Variants in KIRREL3 observed in about 807,000 individuals in gnomAD.
KIRREL3 encodes kin of IRRE-like protein 3.
KIRREL3 carries 36 observed loss-of-function variants against 89.7 expected under a neutral mutation model. The observed-to-expected ratio is 0.40, with a 90% CI of 0.31 to 0.53. The LOEUF (loss-of-function observed/expected upper bound fraction) is 0.53, where lower values mean the gene tolerates loss of function less well. Among genes scored for constraint, KIRREL3 ranks in the 20% least tolerant of loss-of-function variants. The pLI, the probability that KIRREL3 is intolerant of heterozygous loss-of-function variation, is 0.49. For synonymous variants in KIRREL3, 445 were observed against 441.4 expected (o/e 1.01, Z -0.10); for missense variants, 864 against 1,056.6 (o/e 0.82, Z 2.53).
chr11:126,435,750 T>C (rs1375081689), intron 12 of KIRREL3, among the ~76,000 whole-genome samples: 1 of 152,196 alleles, frequency 6.6e-6, no homozygotes, highest in African/African-American at 2.4e-5. Flanking sequence ...GTGATCCTGG[T>C]GTGGCCCACT....
chr11:126,634,469 C>T (rs1944181356), intron 1 of KIRREL3, among the ~76,000 whole-genome samples: 3 of 152,292 alleles, frequency 2.0e-5, no homozygotes, highest in Middle Eastern at 3.4e-3. Flanking sequence ...TGCCTGGGAC[C>T]CTTCTGGACC....
chr11:126,512,044 C>T (rs1958240305), intron 4 of KIRREL3, among the ~76,000 whole-genome samples: 1 of 152,288 alleles, frequency 6.6e-6, no homozygotes, highest in East Asian at 1.9e-4. Context: ...GCTGGCCTGC[C>T]CCTCCCTCAG....
intron 4 of KIRREL3, among the ~76,000 whole-genome samples, chr11:126,510,548 C>T (rs1315966119): frequency 6.6e-6 from 1 of 151,436 alleles, no homozygotes; most frequent in East Asian, 1.9e-4. Flanking sequence ...CCACCTGCCT[C>T]AGCCTCTCAA....
chr11:126,584,979 C>T (rs1318928811), intron 1 of KIRREL3, among the ~76,000 whole-genome samples: 3 of 151,388 alleles, frequency 2.0e-5, no homozygotes, highest in East Asian at 3.9e-4. Flanking sequence ...AGTGCAGTGG[C>T]GCAATCTCGG....
chr11:126,769,626 C>A lies in KIRREL3; in HGVS notation c.56-206714G>T, dbSNP rs570753147. ...TTCAAGCCTTCTTTCCTTCATTTAG[C>A]AACTTTTAATTAAATGATTTCTGAA... is the stretch of plus-strand genomic sequence containing the variant. On this transcript the variant is annotated intron_variant, in intron 1 of 16. Coordinates refer to ENST00000525144, the MANE Select transcript of KIRREL3 (RefSeq NM_032531.4). The surrounding 1 kb of genome is among the most constrained non-coding windows in gnomAD (Gnocchi z 4.3). 6.6e-6 allele frequency among the ~76,000 whole-genome samples: 1 copy of A among 152,278 alleles called. No homozygotes were observed. The highest frequency in any genetic ancestry group is 2.4e-5 in the African/African-American group (1 of 41,560).
At chr11:126,923,169 T>C (rs1159008262) in intron 1 of KIRREL3, among the ~76,000 whole-genome samples, 456 of 23,620 alleles carry the variant, frequency 0.019, 63 homozygotes, top group Middle Eastern at 0.071. Context: ...TTCTTCTTCT[T>C]CTTCTTCTCT....
chr11:126,811,886 C>A lies in KIRREL3; in HGVS notation c.55+188569G>T, dbSNP rs1668497366. Among the ~76,000 whole-genome samples, 1 of 152,102 alleles carries A rather than the reference C, an allele frequency of 6.6e-6. No homozygotes were observed. Among genetic ancestry groups the A allele is most frequent in the African/African-American group, 2.4e-5 (1 of 41,406 alleles). On this transcript the variant is annotated intron_variant, in intron 1 of 16. Transcript: ENST00000525144. This position sits in a 1 kb window ranked among gnomAD's most constrained non-coding sequence, Gnocchi z 4.3. ...ACAGGTGTGAGCCACTGTGCCTGGC[C>A]AGCAATGAACTTCTAAGAGAAATCA...
chr11:126,568,069 G>A lies in KIRREL3; in HGVS notation c.56-5157C>T, dbSNP rs1314421836. Among the ~76,000 whole-genome samples the A allele has an allele frequency of 6.6e-6, 1 of 152,112 alleles. No homozygotes were observed. ...ACGTCTCTGGAAGCCTATCAAACAA[G>A]AAACAGAAATTAATGGCAGGCAGTT... On this transcript the variant is annotated intron_variant, in intron 1 of 16. Coordinates refer to ENST00000525144, the MANE Select transcript of KIRREL3 (RefSeq NM_032531.4). This position sits in a 1 kb window ranked among gnomAD's most constrained non-coding sequence, Gnocchi z 4.6.
intron 1 of KIRREL3, among the ~76,000 whole-genome samples, chr11:126,933,023 C>T (rs1439866327): frequency 6.6e-6 from 1 of 152,176 alleles, no homozygotes; most frequent in Non-Finnish European, 1.5e-5. Context: ...GTACACAAGG[C>T]CTTCTTGGCT....
rs1939812761 is a variant in KIRREL3 at position 126,557,758 on chromosome 11, G to T, written c.133+5077C>A. ...CCCAGGGCTCTGACTCCCCTGTAAGGCTGGGAAGTGAGGACAGGTGCTGTG... is the reference window on the plus strand; with the variant it reads ...CCCAGGGCTCTGACTCCCCTGTAAGTCTGGGAAGTGAGGACAGGTGCTGTG... On this transcript the variant is annotated intron_variant, in intron 2 of 16. Coordinates refer to ENST00000525144, the MANE Select transcript of KIRREL3 (RefSeq NM_032531.4). This position sits in a 1 kb window ranked among gnomAD's most constrained non-coding sequence, Gnocchi z 5.6. 6.6e-6 allele frequency among the ~76,000 whole-genome samples: 1 copy of T among 152,178 alleles called. No homozygotes were observed. The highest frequency in any genetic ancestry group is 1.5e-5 in the Non-Finnish European group (1 of 68,024).
At chr11:126,823,988 A>G (rs1943319261) in intron 1 of KIRREL3, among the ~76,000 whole-genome samples, 2 of 152,206 alleles carry the variant, frequency 1.3e-5, no homozygotes, top group African/African-American at 4.8e-5. Flanking sequence ...AGCATCTCTC[A>G]AAATAAGATC....
In KIRREL3 at chr11:126,906,815, C is replaced by A. The variant is rs533911267; in HGVS notation, c.55+93640G>T. Among the ~76,000 whole-genome samples the A allele has an allele frequency of 6.6e-6, 1 of 152,212 alleles. No homozygotes were observed. Among genetic ancestry groups the A allele is most frequent in the East Asian group, 1.9e-4 (1 of 5,196 alleles). The stretch of plus-strand genomic sequence containing the variant: ...CTTCTTCCTGGGACGTCTGCTCTGC[C>A]TCCTGAAAGGATGGCTTTGCCTTTC... On this transcript the variant is annotated intron_variant, in intron 1 of 16. Transcript: ENST00000525144. The surrounding 1 kb of genome is among the most constrained non-coding windows in gnomAD (Gnocchi z 4.1).
rs60584696 is a variant in KIRREL3, at chr11:126,532,866, A to G, written c.134-6179T>C. ...GGTGTACTAGTTACCATTACTTATA[A>G]TTATTACTTAAAATGGCTATTTAAT... On this transcript the variant is annotated intron_variant, in intron 2 of 16. Coordinates refer to ENST00000525144, the MANE Select transcript of KIRREL3 (RefSeq NM_032531.4). Among the ~76,000 whole-genome samples the G allele has an allele frequency of 9.5e-3, 1,439 of 152,018 alleles. 21 individuals are homozygous for G. The highest frequency in any genetic ancestry group is 0.032 in the African/African-American group (1,338 of 41,526).
rs553717642 is a variant in KIRREL3 at position 126,599,227 on chromosome 11, G to T, written c.56-36315C>A. Among the ~76,000 whole-genome samples the T allele has an allele frequency of 5.9e-5, 9 of 152,278 alleles. No homozygotes were observed. In the East Asian group the frequency reaches 1.5e-3, roughly 26 times the overall value. On this transcript the variant is annotated intron_variant, in intron 1 of 16. Coordinates refer to ENST00000525144, the MANE Select transcript of KIRREL3 (RefSeq NM_032531.4). The stretch of plus-strand genomic sequence containing the variant: ...AAATCCTCAAAAGCCTTATTAATCT[G>T]TTAAGACATCCCAGAAGCAGGAGTC...
chr11:126,662,700 C>T (rs115015835), intron 1 of KIRREL3, among the ~76,000 whole-genome samples: 3,517 of 152,090 alleles, frequency 0.023, 56 homozygotes, highest in African/African-American at 0.04. Context: ...ATTTTGGAGG[C>T]GATTAGGTTT....
rs1248000903 is a variant in KIRREL3 at position 126,771,625 on chromosome 11, T to C, written c.56-208713A>G. Reference sequence around the variant, plus strand: ...ACTGTCTTTCACATTCAGTGCTGTATTACCAGTGCTCCTCCTGATCTCTAT... The same window carrying C: ...ACTGTCTTTCACATTCAGTGCTGTACTACCAGTGCTCCTCCTGATCTCTAT... On this transcript the variant is annotated intron_variant, in intron 1 of 16. Coordinates refer to ENST00000525144, the MANE Select transcript of KIRREL3 (RefSeq NM_032531.4). The surrounding 1 kb of genome is among the most constrained non-coding windows in gnomAD (Gnocchi z 4.4). Among the ~76,000 whole-genome samples the C allele has an allele frequency of 6.6e-6, 1 of 152,224 alleles. No individual in the cohort carries two copies. The highest frequency in any genetic ancestry group is 1.5e-5 in the Non-Finnish European group (1 of 68,044).
At position 126,917,007 on chromosome 11, in the gene KIRREL3, T is replaced by C. The variant is rs117502045; in HGVS notation, c.55+83448A>G. 1.1e-3 allele frequency among the ~76,000 whole-genome samples: 161 copies of C among 152,330 alleles called. No homozygotes were observed. Among genetic ancestry groups the C allele is most frequent in the Non-Finnish European group, 1.5e-3 (103 of 68,030 alleles). On this transcript the variant is annotated intron_variant, in intron 1 of 16. Transcript: ENST00000525144. This position sits in a 1 kb window ranked among gnomAD's most constrained non-coding sequence, Gnocchi z 5.0. ...TAAATTCTTTTAACTTGTACACCAA[T>C]GTTCATTGCAGCAGTATTCATAATA...
Position 126,651,421 on chromosome 11 carries a change from T to C in KIRREL3, c.56-88509A>G, listed in dbSNP as rs551959512. On this transcript the variant is annotated intron_variant, in intron 1 of 16. Transcript: ENST00000525144. This position sits in a 1 kb window ranked among gnomAD's most constrained non-coding sequence, Gnocchi z 4.6. Reference sequence around the variant, plus strand: ...CATGCATGCTCTTTCCAGATATCAGTGGACAGCATCCAGGGGGGCAGAGTC... The same window carrying C: ...CATGCATGCTCTTTCCAGATATCAGCGGACAGCATCCAGGGGGGCAGAGTC... Among the ~76,000 whole-genome samples, 15 of 152,338 alleles carry C rather than the reference T, an allele frequency of 9.8e-5. No individual in the cohort carries two copies. Among genetic ancestry groups the C allele is most frequent in the Admixed American group, 9.1e-4 (14 of 15,304 alleles).
rs1275802656 is a variant in KIRREL3, at chr11:126,897,350, CT to C, written c.55+103104del. Reference sequence around the variant, plus strand: ...ATGACACAGTTTAGGACAGGCTTCCCTTTAAGGTATTTAACTTTATAGAAAA... The same window carrying C: ...ATGACACAGTTTAGGACAGGCTTCCCTTAAGGTATTTAACTTTATAGAAAA... On this transcript the variant is annotated intron_variant, in intron 1 of 16. Transcript: ENST00000525144. This position sits in a 1 kb window ranked among gnomAD's most constrained non-coding sequence, Gnocchi z 4.2. Among the ~76,000 whole-genome samples, 1 of 152,070 alleles carries C rather than the reference CT, an allele frequency of 6.6e-6. No individual in the cohort carries two copies. The highest frequency in any genetic ancestry group is 2.4e-5 in the African/African-American group (1 of 41,410).
Sources: gnomAD v4.1 joint callset for allele counts (sites outside exome capture counted in the v4.1 genomes callset) on GRCh38, gnomAD v4.1.1 for gene constraint, Gnocchi (gnomAD v3.1) non-coding constraint, MANE v1.5 for transcripts, NCBI Gene and HGNC (gene_info 2026-07-23, HGNC 2026-07-21) for gene names.